Variants in NFKB1 observed in about 807,000 individuals in gnomAD.
The protein encoded by NFKB1 is nuclear factor kappa B subunit 1, also known as nuclear factor NF-kappa-B p105 subunit.
NFKB1 carries 9 observed loss-of-function variants against 105.1 expected under a neutral mutation model. That is an observed-to-expected ratio of 0.09 (90% CI 0.05 to 0.15). The LOEUF is 0.15. NFKB1 is among the 10% of genes least tolerant of loss of function. NFKB1 has a pLI of 1.00. For missense variants in NFKB1, 830 were observed against 1,203.7 expected (o/e 0.69, Z 4.59); for synonymous variants, 440 against 442.2 (o/e 1.00, Z 0.06).
At chr4:102,505,874 A>C (rs1322992813) in intron 1 of NFKB1, among the ~76,000 whole-genome samples, 3 of 150,186 alleles carry the variant, frequency 2.0e-5, no homozygotes, top group Admixed American at 2.0e-4. Context: ...AAGTTGTTGC[A>C]AAATTTTTTT....
intron 1 of NFKB1, among the ~76,000 whole-genome samples, chr4:102,504,543 A>G (rs1739304626): frequency 6.6e-6 from 1 of 152,200 alleles, no homozygotes; most frequent in Non-Finnish European, 1.5e-5. Flanking sequence ...GCTAGAGGAT[A>G]TGTTAAGATG....
chr4:102,546,776 T>C (rs1722170963), intron 5 of NFKB1, among the ~76,000 whole-genome samples: 1 of 152,190 alleles, frequency 6.6e-6, no homozygotes, highest in African/African-American at 2.4e-5. Flanking sequence ...CTCAGGGCTA[T>C]AGTTTCTGTT....
intron 6 of NFKB1, among the ~76,000 whole-genome samples, chr4:102,570,157 C>G (rs1724208939): frequency 6.6e-6 from 1 of 152,092 alleles, no homozygotes; most frequent in African/African-American, 2.4e-5. Flanking sequence ...CCAATTAATA[C>G]ATATAGCATA....
At chr4:102,562,742 G>A (rs1432721689) in intron 5 of NFKB1, among the ~76,000 whole-genome samples, 3 of 152,196 alleles carry the variant, frequency 2.0e-5, no homozygotes, top group African/African-American at 7.2e-5. Flanking sequence ...CTTGAGCCGG[G>A]CAGCCTGGCT....
At chr4:102,549,439 A>G in intron 5 of NFKB1, among the ~76,000 whole-genome samples, 1 of 148,868 alleles carries the variant, frequency 6.7e-6, no homozygotes, top group Non-Finnish European at 1.5e-5. Context: ...TGTAAGTTTT[A>G]TATACATATA....
chr4:102,517,191 C>G (rs1464775229), intron 1 of NFKB1, among the ~76,000 whole-genome samples: 1 of 152,172 alleles, frequency 6.6e-6, no homozygotes, highest in Non-Finnish European at 1.5e-5. Flanking sequence ...TTGGTGTTCT[C>G]TCTTTGGGCT....
chr4:102,581,000 A>C (rs891360030), intron 9 of NFKB1, among the ~76,000 whole-genome samples: 1 of 152,194 alleles, frequency 6.6e-6, no homozygotes, highest in Admixed American at 6.5e-5. Flanking sequence ...ACACAGAATA[A>C]TGTTTTACAT....
Position 102,546,757 on chromosome 4 carries a change from C to G in NFKB1, c.258+8801C>G, listed in dbSNP as rs539233522. 1.5e-3 allele frequency among the ~76,000 whole-genome samples: 222 copies of G among 152,276 alleles called. 1 individual carries two copies. The highest frequency in any genetic ancestry group is 2.6e-3 in the Non-Finnish European group (176 of 68,008). On this transcript the variant is annotated intron_variant, in intron 5 of 23. Transcript: ENST00000226574. ...TGAAACTGCAATCACCCACTTAATT[C>G]AGGACTCTCTCAGGGCTATAGTTTC... is the stretch of plus-strand genomic sequence containing the variant.
At chr4:102,552,968 A>G (rs1055631937) in intron 5 of NFKB1, among the ~76,000 whole-genome samples, 2 of 152,188 alleles carry the variant, frequency 1.3e-5, no homozygotes, top group African/African-American at 4.8e-5. Context: ...AGAGTGTAAA[A>G]AGACCAGTAA....
intron 13 of NFKB1, 34 bp downstream of exon 13, chr4:102,595,015 G>A (rs1560705341): frequency 3.5e-6 from 5 of 1,414,718 alleles, no homozygotes; most frequent in South Asian, 1.2e-5. Context: ...ACCAAGAAAG[G>A]AAAAAAATAA....
intron 5 of NFKB1, among the ~76,000 whole-genome samples, chr4:102,563,543 T>C (rs1723607715): frequency 6.6e-6 from 1 of 152,168 alleles, no homozygotes; most frequent in African/African-American, 2.4e-5. Flanking sequence ...GTTAATGCTT[T>C]TAAACTACTA....
intron 19 of NFKB1, among the ~76,000 whole-genome samples, chr4:102,609,893 A>T (rs1375444560): frequency 6.6e-6 from 1 of 152,112 alleles, no homozygotes; most frequent in African/African-American, 2.4e-5. Context: ...CAAGCTAAAC[A>T]CTCATAAAAA....
chr4:102,515,772 A>G (rs1032074367), intron 1 of NFKB1, among the ~76,000 whole-genome samples: 3 of 152,126 alleles, frequency 2.0e-5, no homozygotes, highest in Admixed American at 2.0e-4. Context: ...TGAACAGTCA[A>G]TCGTCTGTTT....
At chr4:102,531,194 G>A (rs1288368950) in intron 3 of NFKB1, among the ~76,000 whole-genome samples, 2 of 151,886 alleles carry the variant, frequency 1.3e-5, no homozygotes, top group South Asian at 2.1e-4. Flanking sequence ...TTATTCCTTC[G>A]GATTTATGGG....
In NFKB1 at chr4:102,525,575, A is replaced by G; in HGVS notation, c.39+18A>G. The G allele has an allele frequency of 6.3e-7, 1 of 1,597,568 alleles. No homozygotes were observed. On this transcript the variant is annotated intron_variant, in intron 2 of 23. Coordinates refer to ENST00000226574, the MANE Select transcript of NFKB1 (RefSeq NM_003998.4). ...CTGAACAAGTAAGTGTCATAATCTC[A>G]CTGATAACTTTATTTAAATATATTC...
At chr4:102,528,679 A>G (rs1348740958) in intron 2 of NFKB1, among the ~76,000 whole-genome samples, 1 of 152,240 alleles carries the variant, frequency 6.6e-6, no homozygotes, top group Non-Finnish European at 1.5e-5. Flanking sequence ...TAAAATAAAT[A>G]GCAAGCTCAG....
intron 16 of NFKB1, among the ~76,000 whole-genome samples, chr4:102,604,940 G>C (rs1190437502): frequency 6.7e-6 from 1 of 149,812 alleles, no homozygotes; most frequent in Non-Finnish European, 1.5e-5. Flanking sequence ...TTATATCATG[G>C]AAAACCATTG....
chr4:102,598,829 G>A (rs1726871004), intron 15 of NFKB1, among the ~76,000 whole-genome samples: 1 of 152,176 alleles, frequency 6.6e-6, no homozygotes, highest in African/African-American at 2.4e-5. Context: ...AGGGAGGATT[G>A]TTGGAAGGGA....
At chr4:102,525,296 G>GT (rs1206043923) in intron 1 of NFKB1, among the ~76,000 whole-genome samples, 1 of 152,112 alleles carries the variant, frequency 6.6e-6, no homozygotes, top group African/African-American at 2.4e-5. Context: ...TGAATCATAC[G>GT]TAAGTGGTAA....
Sources: gnomAD v4.1 joint callset for allele counts (sites outside exome capture counted in the v4.1 genomes callset) on GRCh38, gnomAD v4.1.1 for gene constraint, MANE v1.5 for transcripts, NCBI Gene and HGNC (gene_info 2026-07-23, HGNC 2026-07-21) for gene names.